Variants in KCND2 observed in about 807,000 individuals in gnomAD.
The protein encoded by KCND2 is potassium voltage-gated channel subfamily D member 2, also known as A-type voltage-gated potassium channel KCND2.
Under a neutral mutation model 54.4 loss-of-function variants are expected in KCND2, and 16 were observed. The observed-to-expected ratio is 0.29, with a 90% CI of 0.20 to 0.45. KCND2 has a LOEUF of 0.45. KCND2 is among the 20% of genes least tolerant of loss of function. The probability of loss-of-function intolerance (pLI) is 1.00; values close to 1 mark genes in which losing one functional copy is unlikely to be tolerated. For missense variants in KCND2, 486 were observed against 824.2 expected, an observed-to-expected ratio of 0.59 and a Z score of 5.02; for synonymous variants, 317 against 310.7, an observed-to-expected ratio of 1.02 and a Z score of -0.21.
At chr7:120,740,945 T>A in intron 2 of KCND2, 1 of 453,176 alleles carries the variant, frequency 2.2e-6, no homozygotes, top group Non-Finnish European at 4.4e-6. Context: ...AGAGAGAGAG[T>A]CCATGTTGTT....
chr7:120,413,286 A>G (rs991603596), intron 1 of KCND2, among the ~76,000 whole-genome samples: 1 of 152,064 alleles, frequency 6.6e-6, no homozygotes, highest in African/African-American at 2.4e-5. Context: ...TGGTTAGATT[A>G]TCTACAGTAC....
chr7:120,421,510 G>A (rs1801622552), intron 1 of KCND2, among the ~76,000 whole-genome samples: 1 of 152,194 alleles, frequency 6.6e-6, no homozygotes, highest in Non-Finnish European at 1.5e-5. Flanking sequence ...AAGACAGAAT[G>A]AGAAAGGCAG....
At chr7:120,388,554 A>G (rs1801022594) in intron 1 of KCND2, among the ~76,000 whole-genome samples, 1 of 152,006 alleles carries the variant, frequency 6.6e-6, no homozygotes, top group South Asian at 2.1e-4. Flanking sequence ...TGGTTCTTTC[A>G]GGGAAAGAAC....
chr7:120,678,482 T>A, intron 1 of KCND2, among the ~76,000 whole-genome samples: 1 of 147,078 alleles, frequency 6.8e-6, no homozygotes, highest in East Asian at 2.0e-4. Flanking sequence ...CTTACATACA[T>A]ACACATAAAT....
chr7:120,367,928 A>G (rs1800710718), intron 1 of KCND2, among the ~76,000 whole-genome samples: 1 of 152,116 alleles, frequency 6.6e-6, no homozygotes, highest in African/African-American at 2.4e-5. Context: ...TACAGGTTTA[A>G]GTTCCTTTGG....
intron 1 of KCND2, among the ~76,000 whole-genome samples, chr7:120,331,207 GAA>G (rs1800063984): frequency 6.6e-6 from 1 of 151,804 alleles, no homozygotes; most frequent in South Asian, 2.1e-4. Flanking sequence ...CTCATAATTA[GAA>G]AGATAGTCAT....
chr7:120,530,285 T>C (rs1238808566), intron 1 of KCND2, among the ~76,000 whole-genome samples: 1 of 152,092 alleles, frequency 6.6e-6, no homozygotes, highest in Non-Finnish European at 1.5e-5. Flanking sequence ...ATGTAACTCA[T>C]AAATATATGT....
intron 5 of KCND2, among the ~76,000 whole-genome samples, 168 bp downstream of exon 5, chr7:120,746,195 C>A (rs1481338129): frequency 1.1e-4 from 16 of 152,116 alleles, no homozygotes; most frequent in Admixed American, 1.0e-3. Flanking sequence ...CTTGCATATC[C>A]ATTAAGGGTT....
intron 1 of KCND2, among the ~76,000 whole-genome samples, chr7:120,432,377 A>G (rs1481896769): frequency 6.6e-6 from 1 of 152,156 alleles, no homozygotes; most frequent in Non-Finnish European, 1.5e-5. Flanking sequence ...AACCTAAGAA[A>G]ACATCATATC....
chr7:120,534,206 G>A (rs1304787202), intron 1 of KCND2, among the ~76,000 whole-genome samples: 1 of 152,154 alleles, frequency 6.6e-6, no homozygotes, highest in East Asian at 1.9e-4. Flanking sequence ...TGATTTTACA[G>A]TGGAGAAGCT....
At chr7:120,507,592 A>G (rs1007098532) in intron 1 of KCND2, among the ~76,000 whole-genome samples, 8 of 151,848 alleles carry the variant, frequency 5.3e-5, no homozygotes, top group Non-Finnish European at 1.0e-4. Context: ...TGCAAATATG[A>G]TGACTACTGC....
chr7:120,564,098 C>G (rs942135251), intron 1 of KCND2, among the ~76,000 whole-genome samples: 2 of 152,052 alleles, frequency 1.3e-5, no homozygotes, highest in African/African-American at 4.8e-5. Flanking sequence ...TAACTTTCCA[C>G]AAGCCTTTGT....
Position 120,748,265 on chromosome 7 carries a change from T to A in KCND2, c.*407T>A, listed in dbSNP as rs528261670. The stretch of plus-strand genomic sequence containing the variant: ...TTAAAACCATGAACATTGGCTATGA[T>A]GAAGATTATTACATATGAAAAAAAA... On this transcript the variant is annotated 3_prime_UTR_variant, in exon 6 of 6. Coordinates refer to ENST00000331113, the MANE Select transcript of KCND2 (RefSeq NM_012281.3). 2 of 166,002 alleles carry A rather than the reference T, an allele frequency of 1.2e-5. No homozygotes were observed. Among genetic ancestry groups the A allele is most frequent in the African/African-American group, 4.8e-5 (2 of 41,410 alleles). The allele number at this position is 166,002 out of a possible 1,614,324, so 10.3% of individuals were successfully genotyped here. A position where few individuals can be genotyped will look rare whatever the true frequency, so the allele number is the denominator to read the frequency against.
At position 120,562,375 on chromosome 7, in the gene KCND2, C is replaced by G. The variant is rs190446916; in HGVS notation, c.1116-170528C>G. Among the ~76,000 whole-genome samples the G allele has an allele frequency of 2.6e-3, 397 of 152,172 alleles. 1 individual carries two copies. The highest frequency in any genetic ancestry group is 2.2e-3 in the Non-Finnish European group (149 of 67,988). ...CACGGTATTGACTTTAAAGAGAATTCAAGAAAGACAAGGACTAAACATTGG... is the reference window on the plus strand; with the variant it reads ...CACGGTATTGACTTTAAAGAGAATTGAAGAAAGACAAGGACTAAACATTGG... On this transcript the variant is annotated intron_variant, in intron 1 of 5. Coordinates refer to ENST00000331113, the MANE Select transcript of KCND2 (RefSeq NM_012281.3).
chr7:120,414,465 A>G (rs1356133399), intron 1 of KCND2, among the ~76,000 whole-genome samples: 1 of 152,060 alleles, frequency 6.6e-6, no homozygotes, highest in African/African-American at 2.4e-5. Flanking sequence ...CTGCAATGCA[A>G]TTCCTTCCAT....
At chr7:120,714,809 C>A (rs1300167904) in intron 1 of KCND2, among the ~76,000 whole-genome samples, 1 of 151,930 alleles carries the variant, frequency 6.6e-6, no homozygotes, top group Non-Finnish European at 1.5e-5. Context: ...ACCCTCCATT[C>A]AAATGATCCT....
intron 1 of KCND2, among the ~76,000 whole-genome samples, chr7:120,728,255 G>A (rs952588333): frequency 6.7e-6 from 1 of 150,330 alleles, no homozygotes; most frequent in Non-Finnish European, 1.5e-5. Flanking sequence ...ATTCTCTCAT[G>A]ATATATTCTC....
chr7:120,275,265 A>C lies in KCND2; in HGVS notation c.633A>C (p.Ser211=). 1 of 1,613,908 alleles carries C rather than the reference A, an allele frequency of 6.2e-7. No homozygotes were observed. The highest frequency in any genetic ancestry group is 8.5e-7 in the Non-Finnish European group (1 of 1,179,968). The part of the protein sequence containing the change: ...ANVVETVPCG[S]SPGHIKELPC... ...TGGTGGAAACAGTGCCGTGCGGATCAAGCCCAGGTCACATTAAAGAACTGC... is the reference window on the plus strand; with the variant it reads ...TGGTGGAAACAGTGCCGTGCGGATCCAGCCCAGGTCACATTAAAGAACTGC... Residue 211 remains serine, a synonymous_variant, in exon 1 of 6, where the codon TCA becomes TCC. Coordinates refer to ENST00000331113, the MANE Select transcript of KCND2 (RefSeq NM_012281.3).
At chr7:120,347,534 G>T (rs924496951) in intron 1 of KCND2, among the ~76,000 whole-genome samples, 2 of 152,042 alleles carry the variant, frequency 1.3e-5, no homozygotes, top group Non-Finnish European at 2.9e-5. Flanking sequence ...GAGGCGGGTG[G>T]ATCACCTGAG....
Sources: allele counts gnomAD v4.1 joint callset (sites outside exome capture counted in the v4.1 genomes callset), GRCh38; gene constraint gnomAD v4.1.1; transcripts MANE v1.5; gene names NCBI Gene and HGNC (gene_info 2026-07-23, HGNC 2026-07-21).